FRYL: variants seen among roughly 807,000 people sequenced by gnomAD.
The protein encoded by FRYL is protein furry homolog-like.
Under a neutral mutation model 351.2 loss-of-function variants are expected in FRYL, and 150 were observed. The observed-to-expected ratio is 0.43, with a 90% confidence interval of 0.37 to 0.49. FRYL has a LOEUF of 0.49. Among genes scored for constraint, FRYL ranks in the 20% least tolerant of loss-of-function variants. The pLI, the probability that FRYL is intolerant of heterozygous loss-of-function variation, is 0.00. For missense variants in FRYL, 3,036 were observed against 3,619.3 expected (o/e 0.84, Z 4.13); for synonymous variants, 1,153 against 1,257.1 (o/e 0.92, Z 1.75).
At chr4:48,518,158 G>A (rs1724049328) in intron 55 of FRYL, among the ~76,000 whole-genome samples, 1 of 152,130 alleles carries the variant, frequency 6.6e-6, no homozygotes, top group Admixed American at 6.5e-5. Context: ...TCATCCACTG[G>A]TGTTACGGTG....
intron 3 of FRYL, among the ~76,000 whole-genome samples, chr4:48,650,146 T>TA (rs1277635850): frequency 1.3e-5 from 2 of 152,164 alleles, no homozygotes; most frequent in South Asian, 2.1e-4. Flanking sequence ...ATTTAATCAC[T>TA]AAAAAATCAT....
intron 1 of FRYL, among the ~76,000 whole-genome samples, chr4:48,775,050 C>T (rs748667851): frequency 6.6e-6 from 1 of 152,148 alleles, no homozygotes; most frequent in African/African-American, 2.4e-5. Context: ...GACACAATTA[C>T]GTTTGCAGAA....
intron 1 of FRYL, among the ~76,000 whole-genome samples, chr4:48,717,929 A>G (rs1267410778): frequency 6.6e-6 from 1 of 151,582 alleles, no homozygotes; most frequent in East Asian, 1.9e-4. Flanking sequence ...ACAGTCTATA[A>G]CTTCCTAACT....
intron 41 of FRYL, 91 bp downstream of exon 41, chr4:48,547,493 T>G (rs1731615131): frequency 1.6e-6 from 1 of 626,954 alleles, no homozygotes; most frequent in Admixed American, 3.4e-5. Context: ...CTCTAGTATT[T>G]CAACTTTTAT....
At position 48,546,154 on chromosome 4, in the gene FRYL, T is replaced by C; in HGVS notation, c.5192A>G (p.His1731Arg). The C allele has an allele frequency of 3.1e-6, 5 of 1,613,806 alleles. No individual in the cohort carries two copies. The highest frequency in any genetic ancestry group is 4.2e-6 in the Non-Finnish European group (5 of 1,179,846). The change falls in exon 42 of 64, where the codon CAT (histidine) becomes CGT (arginine). Residue 1731 changes from histidine to arginine, a missense_variant. By Grantham distance (29) the His-to-Arg change is conservative. Around this residue, in one of 7 missense-constraint regions of FRYL, gnomAD observed 1,987 missense variants for 2,311.7 expected, o/e 0.86. Transcript: ENST00000358350. ...CTCATTGAGGATAGTGGTGTGCAGA[T>C]GTGAAATGGCAGCACTGTTATTTCC... The part of the protein sequence containing the change: ...SLGNNSAAIS[H>R]LHTTILNEVD...
At chr4:48,654,570 C>G (rs1185256585) in intron 3 of FRYL, among the ~76,000 whole-genome samples, 3 of 152,138 alleles carry the variant, frequency 2.0e-5, no homozygotes, top group Non-Finnish European at 2.9e-5. Flanking sequence ...CTGCTCAGCT[C>G]AGGACAAACT....
chr4:48,703,417 C>T (rs1327909015), intron 2 of FRYL, among the ~76,000 whole-genome samples: 1 of 152,166 alleles, frequency 6.6e-6, no homozygotes, highest in Non-Finnish European at 1.5e-5. Flanking sequence ...CAATGGATTA[C>T]CCCTGCCACA....
intron 3 of FRYL, among the ~76,000 whole-genome samples, chr4:48,681,856 T>C (rs1300180657): frequency 6.6e-6 from 1 of 152,212 alleles, no homozygotes; most frequent in Non-Finnish European, 1.5e-5. Context: ...CAACATTATA[T>C]GTTTTTCAAA....
chr4:48,515,248 G>T lies in FRYL; in HGVS notation c.7717C>A (p.His2573Asn), dbSNP rs759494238. ...CCTTCATCTTCAAAGGTTGTAACATGTTCCTCCTTTAATACTGAAGTTGTA... is the reference window on the plus strand; with the variant it reads ...CCTTCATCTTCAAAGGTTGTAACATTTTCCTCCTTTAATACTGAAGTTGTA... ...EDTTSVLKEE[H>N]VTTFEDEGSY... The change falls in exon 56 of 64, where the codon CAT (histidine) becomes AAT (asparagine). Residue 2573 changes from histidine to asparagine, a missense_variant. His to Asn is a moderately conservative substitution (Grantham distance 68, BLOSUM62 1). This residue lies in a region of FRYL where 1,987 missense variants were observed against 2,311.7 expected (regional missense o/e 0.86). Transcript: ENST00000358350. 7 of 1,609,518 alleles carry T rather than the reference G, an allele frequency of 4.3e-6. No individual in the cohort carries two copies. The highest frequency in any genetic ancestry group is 3.3e-5 in the South Asian group (3 of 90,928).
intron 3 of FRYL, among the ~76,000 whole-genome samples, chr4:48,678,303 GGA>G (rs1355718414): frequency 1.3e-5 from 2 of 151,734 alleles, no homozygotes; most frequent in Non-Finnish European, 2.9e-5. Context: ...AACTCTAGAT[GGA>G]TTAAAGACTT....
At chr4:48,583,586 T>C (rs1741406976) in intron 19 of FRYL, among the ~76,000 whole-genome samples, 1 of 151,734 alleles carries the variant, frequency 6.6e-6, no homozygotes, top group African/African-American at 2.4e-5. Flanking sequence ...GGAGTAATAT[T>C]ATAAATGGTA....
At chr4:48,664,233 G>A (rs1761338253) in intron 3 of FRYL, among the ~76,000 whole-genome samples, 1 of 152,178 alleles carries the variant, frequency 6.6e-6, no homozygotes, top group African/African-American at 2.4e-5. Flanking sequence ...AAATGCCCAA[G>A]AAGGGTTTTG....
At chr4:48,740,573 G>A (rs1413415546) in intron 1 of FRYL, among the ~76,000 whole-genome samples, 1 of 152,014 alleles carries the variant, frequency 6.6e-6, no homozygotes, top group Non-Finnish European at 1.5e-5. Context: ...GGGATTAGAG[G>A]GGTGAGCCAC....
At chr4:48,593,646 G>A (rs1489625344) in intron 16 of FRYL, among the ~76,000 whole-genome samples, 4 of 152,130 alleles carry the variant, frequency 2.6e-5, no homozygotes, top group South Asian at 2.1e-4. Context: ...TTACAGGCAT[G>A]AGCCACCGTG....
At position 48,576,059 on chromosome 4, in the gene FRYL, G is replaced by A. The variant is rs752687505; in HGVS notation, c.2692C>T (p.Pro898Ser). Residue 898 changes from proline (P) to serine (S), a missense_variant, in exon 24 of 64, where the codon CCA becomes TCA. Coordinates refer to ENST00000358350, the MANE Select transcript of FRYL (RefSeq NM_015030.2). ...GAATCAATGCTATAGCCGCTATCTG[G>A]GGTAGACGCCAGCGTCTCAGGAGGA... ...CSPPETLAST[P>S]DSGYSIDSKI... 1 of 1,612,628 alleles carries A rather than the reference G, an allele frequency of 6.2e-7. No individual in the cohort carries two copies. Among genetic ancestry groups the A allele is most frequent in the East Asian group, 2.2e-5 (1 of 44,762 alleles).
chr4:48,553,673 A>C (rs1424295381), intron 35 of FRYL, among the ~76,000 whole-genome samples: 30 of 151,944 alleles, frequency 2.0e-4, no homozygotes, highest in Admixed American at 7.2e-4. Context: ...AAAAAAAAAA[A>C]CAAAAAAATA....
At position 48,619,712 on chromosome 4, in the gene FRYL, G is replaced by C. The variant is rs572620992; in HGVS notation, c.315-342C>G. ...AGAAGGGATCTCCCTATATTGCCCAGACTGGTCTCAAATTCCTGGGTTCAA... is the reference window on the plus strand; with the variant it reads ...AGAAGGGATCTCCCTATATTGCCCACACTGGTCTCAAATTCCTGGGTTCAA... On this transcript the variant is annotated intron_variant, in intron 6 of 63. Transcript: ENST00000358350. Among the ~76,000 whole-genome samples the C allele has an allele frequency of 6.6e-5, 10 of 152,132 alleles. No homozygotes were observed. In the East Asian group the frequency reaches 1.9e-3, roughly 29 times the overall value.
chr4:48,611,286 A>G (rs1748139098), intron 7 of FRYL, among the ~76,000 whole-genome samples: 1 of 150,496 alleles, frequency 6.6e-6, no homozygotes, highest in South Asian at 2.1e-4. Context: ...TGTATTTCCT[A>G]TTATTTTTTA....
At chr4:48,565,393 CTT>C in intron 29 of FRYL, 136 bp downstream of exon 29, 3 of 541,160 alleles carry the variant, frequency 5.5e-6, no homozygotes, top group African/African-American at 3.9e-5. Flanking sequence ...TTAAATATAA[CTT>C]ATGGTATAAG....
Sources: allele counts gnomAD v4.1 joint callset (sites outside exome capture counted in the v4.1 genomes callset), GRCh38; gene constraint gnomAD v4.1.1; regional missense constraint gnomAD v4.1.1; transcripts MANE v1.5; gene names NCBI Gene and HGNC (gene_info 2026-07-23, HGNC 2026-07-21).